Variants in ZNF43 observed in about 807,000 individuals in gnomAD.
ZNF43 encodes zinc finger protein 43, also known as zinc finger protein 39-like 1 (KOX 27).
ZNF43 carries 44 observed loss-of-function variants against 68.4 expected under a neutral mutation model. The observed-to-expected ratio is 0.64, with a 90% CI of 0.51 to 0.83. ZNF43 has a LOEUF of 0.83. Among genes scored for constraint, ZNF43 ranks in the 40% least tolerant of loss-of-function variants. The probability of loss-of-function intolerance (pLI) is 0.00; values close to 1 mark genes in which losing one functional copy is unlikely to be tolerated. For missense variants in ZNF43, 896 were observed against 933.2 expected, an observed-to-expected ratio of 0.96 and a Z score of 0.52; for synonymous variants, 308 against 307.8, an observed-to-expected ratio of 1.00 and a Z score of -0.01.
chr19:21,850,470 G>C (rs1169502462), intron 1 of ZNF43, among the ~76,000 whole-genome samples: 1 of 152,136 alleles, frequency 6.6e-6, no homozygotes, highest in Non-Finnish European at 1.5e-5. Context: ...TGAGGCAGGA[G>C]AATCATTTGA....
At chr19:21,826,320 G>C (rs140423275) in intron 1 of ZNF43, among the ~76,000 whole-genome samples, 12 of 152,300 alleles carry the variant, frequency 7.9e-5, no homozygotes, top group Non-Finnish European at 1.8e-4. Context: ...ATTCAAGACA[G>C]TGTTTGGAAA....
upstream of ZNF43, among the ~76,000 whole-genome samples, chr19:21,837,101 T>C (rs775805944): frequency 3.3e-5 from 5 of 152,208 alleles, no homozygotes; most frequent in Non-Finnish European, 5.9e-5. Context: ...TCTTAGTGGA[T>C]AGTATTCCAT....
chr19:21,829,428 C>T (rs919165768), intron 1 of ZNF43, among the ~76,000 whole-genome samples: 3 of 151,972 alleles, frequency 2.0e-5, no homozygotes, highest in Non-Finnish European at 2.9e-5. Flanking sequence ...AAATTTAATT[C>T]GTTCTTCGTA....
chr19:21,834,486 CGGT>C (rs1274875845), intron 1 of ZNF43, among the ~76,000 whole-genome samples: 3 of 151,982 alleles, frequency 2.0e-5, no homozygotes, highest in Admixed American at 2.0e-4. Flanking sequence ...AGGCCGGACT[CGGT>C]GGCTCACGCC....
Position 21,809,388 on chromosome 19 carries a change from T to C in ZNF43, c.649A>G (p.Ile217Val), listed in dbSNP as rs376369848. The C allele has an allele frequency of 6.6e-5, 106 of 1,613,394 alleles. No individual in the cohort carries two copies. The highest frequency in any genetic ancestry group is 8.6e-5 in the Non-Finnish European group (102 of 1,179,712). ...GTATTAATTCTCTTATGTTTAGTGATGATTGAAGGGCAGTTAAAAGCTTTT... is the reference window on the plus strand; with the variant it reads ...GTATTAATTCTCTTATGTTTAGTGACGATTGAAGGGCAGTTAAAAGCTTTT... ...CGKAFNCPSI[I>V]TKHKRINTGE... The change falls in exon 4 of 4, where the codon ATC (isoleucine) becomes GTC (valine). Residue 217 changes from isoleucine to valine, a missense_variant. Physicochemically the swap from Ile to Val is conservative, Grantham distance 29 (BLOSUM62 3). Transcript: ENST00000354959.
Position 21,807,632 on chromosome 19 carries a change from G to C in ZNF43, c.2405C>G (p.Pro802Arg). 1 of 1,553,752 alleles carries C rather than the reference G, an allele frequency of 6.4e-7. No individual in the cohort carries two copies. The highest frequency in any genetic ancestry group is 8.7e-7 in the Non-Finnish European group (1 of 1,153,730). Residue 802 changes from proline to arginine, a missense_variant, in exon 4 of 4, where the codon CCT (proline) becomes CGT (arginine). Physicochemically the swap from Pro to Arg is moderately radical, Grantham distance 103. Coordinates refer to ENST00000354959, the MANE Select transcript of ZNF43 (RefSeq NM_003423.4). ...TTATTTTATGTTTGAAAAAGTTTGA[G>C]GTGTTGTCAAAATCACTGTCACATC... is the stretch of plus-strand genomic sequence containing the variant. ...PEDVTVILTTPQTFSNIK is the reference protein window; with the variant it reads ...PEDVTVILTTRQTFSNIK
At chr19:21,826,141 T>A (rs1478012805) in intron 1 of ZNF43, among the ~76,000 whole-genome samples, 1 of 152,212 alleles carries the variant, frequency 6.6e-6, no homozygotes, top group Non-Finnish European at 1.5e-5. Flanking sequence ...TAGAAGCGAC[T>A]ACAGTTAATT....
rs746573925 is a variant in ZNF43, at chr19:21,807,584, C to A, written c.*23G>T. On this transcript the variant is annotated 3_prime_UTR_variant, in exon 4 of 4. Transcript: ENST00000354959. ...AGCCTTTATCACATTCTTTACATTT[C>A]TAGAATTTCTCACCAGTATAATTTA... The A allele has an allele frequency of 3.3e-6, 5 of 1,508,658 alleles. No homozygotes were observed. In the African/African-American group the frequency reaches 7.0e-5, roughly 21 times the overall value. The allele number at this position is 1,508,658 out of a possible 1,614,324, so 93.5% of individuals were successfully genotyped here. A position where few individuals can be genotyped will look rare whatever the true frequency, so the allele number is the denominator to read the frequency against.
chr19:21,821,138 ATTTTTTTT>A (rs74174043), intron 1 of ZNF43, among the ~76,000 whole-genome samples: 5 of 118,560 alleles, frequency 4.2e-5, no homozygotes, highest in African/African-American at 1.6e-4. Flanking sequence ...CCCGGCTGTA[ATTTTTTTT>A]TTTTTTTTTT....
At chr19:21,820,692 T>G (rs2037781456) in intron 1 of ZNF43, among the ~76,000 whole-genome samples, 1 of 152,208 alleles carries the variant, frequency 6.6e-6, no homozygotes, top group African/African-American at 2.4e-5. Flanking sequence ...AATTTTAAGA[T>G]GTGCTGATGC....
chr19:21,812,813 T>C (rs1045242210), intron 3 of ZNF43, among the ~76,000 whole-genome samples: 12 of 151,796 alleles, frequency 7.9e-5, no homozygotes, highest in African/African-American at 2.4e-4. Context: ...TAGCCGGGCA[T>C]AGTGGTGGGT....
At chr19:21,826,123 A>G (rs531041419) in intron 1 of ZNF43, among the ~76,000 whole-genome samples, 7 of 152,206 alleles carry the variant, frequency 4.6e-5, no homozygotes, top group Non-Finnish European at 7.3e-5. Context: ...AATTTTGTCT[A>G]TCCTTTCTAG....
In ZNF43 at chr19:21,809,528, T is replaced by TC. The variant is rs950860987; in HGVS notation, c.508dup (p.Glu170GlyfsTer24). 2 of 1,613,570 alleles carry TC rather than the reference T, an allele frequency of 1.2e-6. No homozygotes were observed. Among genetic ancestry groups the TC allele is most frequent in the Non-Finnish European group, 8.5e-7 (1 of 1,179,706 alleles). ...TTCTTTGCATTTGAAAAGTTTTTTT[T>TC]CAGTATGGCTTATCTTATGTCTGTT... is the stretch of plus-strand genomic sequence containing the variant. On this transcript the variant is annotated frameshift_variant, in exon 4 of 4. Coordinates refer to ENST00000354959, the MANE Select transcript of ZNF43 (RefSeq NM_003423.4). LOFTEE classifies it high-confidence loss of function.
rs2037163340 is a variant in ZNF43, at chr19:21,809,365, A to G, written c.672T>C (p.Asn224=). Residue 224 remains asparagine, a synonymous_variant, in exon 4 of 4, where the codon AAT becomes AAC. Transcript: ENST00000354959. ...CACATGTGTAGGGTTTCTCTCCAGTATTAATTCTCTTATGTTTAGTGATGA... is the reference window on the plus strand; with the variant it reads ...CACATGTGTAGGGTTTCTCTCCAGTGTTAATTCTCTTATGTTTAGTGATGA... The part of the protein sequence containing the change: ...PSIITKHKRI[N]TGEKPYTCEE... 3 of 1,613,750 alleles carry G rather than the reference A, an allele frequency of 1.9e-6. No homozygotes were observed. Among genetic ancestry groups the G allele is most frequent in the Non-Finnish European group, 2.5e-6 (3 of 1,179,880 alleles).
chr19:21,833,137 C>T (rs1355570196), intron 1 of ZNF43, among the ~76,000 whole-genome samples: 1 of 152,050 alleles, frequency 6.6e-6, no homozygotes, highest in African/African-American at 2.4e-5. Flanking sequence ...TATTCTTTTC[C>T]TTGGTAGCAT....
In ZNF43 at chr19:21,808,148, G is replaced by A. The variant is rs2037054210; in HGVS notation, c.1889C>T (p.Ala630Val). The change falls in exon 4 of 4, where the codon GCT becomes GTT. Residue 630 changes from alanine (A) to valine (V), a missense_variant. Transcript: ENST00000354959. ...KPYKCEECGKAFNQFSTLTKH... is the reference protein window; with the variant it reads ...KPYKCEECGKVFNQFSTLTKH... ...AGTAAGAGTTGAGAACTGGTTAAAA[G>A]CTTTGCCACATTCTTCACATTTGTA... 1 of 1,613,042 alleles carries A rather than the reference G, an allele frequency of 6.2e-7. No homozygotes were observed. The highest frequency in any genetic ancestry group is 1.3e-5 in the African/African-American group (1 of 74,862).
At chr19:21,832,276 T>TA (rs1025001369) in intron 1 of ZNF43, among the ~76,000 whole-genome samples, 9 of 151,456 alleles carry the variant, frequency 5.9e-5, no homozygotes, top group African/African-American at 2.2e-4. Context: ...AAGAGAAATG[T>TA]AAAAAAAAAT....
At chr19:21,844,436 G>A (rs189119310) in intron 1 of ZNF43, among the ~76,000 whole-genome samples, 21 of 151,026 alleles carry the variant, frequency 1.4e-4, no homozygotes, top group Non-Finnish European at 2.5e-4. Context: ...CCACCTGAGA[G>A]CTTTTTATAA....
rs1036576160 is a variant in ZNF43, at chr19:21,808,823, T to C, written c.1214A>G (p.Lys405Arg). Residue 405 changes from lysine (K) to arginine (R), a missense_variant, in exon 4 of 4, where the codon AAA (lysine) becomes AGA (arginine). Coordinates refer to ENST00000354959, the MANE Select transcript of ZNF43 (RefSeq NM_003423.4). ...KKPYKCEECG[K>R]AFKWSSKLTE... ...AAGCTTTGAGGACCACTTAAAAGCT[T>C]TGCCACATTCTTCACATTTGTAGGG... 9.3e-6 allele frequency: 15 copies of C among 1,613,402 alleles called. No individual in the cohort carries two copies. Among genetic ancestry groups the C allele is most frequent in the East Asian group, 2.2e-5 (1 of 44,844 alleles).
Sources: gnomAD v4.1 joint callset for allele counts (sites outside exome capture counted in the v4.1 genomes callset) on GRCh38, gnomAD v4.1.1 for gene constraint, MANE v1.5 for transcripts, NCBI Gene and HGNC (gene_info 2026-07-23, HGNC 2026-07-21) for gene names.